The following KISS1 variants were observed in gnomAD, a reference collection of about 807,000 sequenced individuals.
KISS1 encodes metastasis-suppressor KiSS-1.
For synonymous variants in KISS1, 97 were observed against 88.7 expected (o/e 1.09, Z -0.52); for missense variants, 182 against 182.7 (o/e 1.00, Z 0.02).
rs367950979 is a variant in KISS1 at position 204,190,694 on chromosome 1, G to A, written c.207C>T (p.Thr69=). ...AGCTCTCGGGGGGCGGGGACAGCGA[G>A]GTCCCCCGACGGCTCAGCCTGGCAG... The part of the protein sequence containing the change: ...AATARLSRRG[T]SLSPPPESSG... The change falls in exon 3 of 3, where the codon ACC becomes ACT. Residue 69 remains threonine (T), a synonymous_variant. Transcript: ENST00000367194. 7.5e-6 allele frequency: 12 copies of A among 1,599,134 alleles called. No homozygotes were observed. In the African/African-American group the frequency reaches 1.6e-4, roughly 21 times the overall value.
At chr1:204,195,587 A>G (rs1352398655) in intron 1 of KISS1, among the ~76,000 whole-genome samples, 2 of 147,556 alleles carry the variant, frequency 1.4e-5, no homozygotes, top group Non-Finnish European at 3.0e-5. Context: ...CCACAGATGC[A>G]CACACACGCC....
rs1340670317 is a variant in KISS1, at chr1:204,192,911, G to A, written c.-35C>T. 5 of 1,399,684 alleles carry A rather than the reference G, an allele frequency of 3.6e-6. No homozygotes were observed. The highest frequency in any genetic ancestry group is 5.0e-6 in the Non-Finnish European group (5 of 1,004,558). The allele number at this position is 1,399,684 out of a possible 1,614,324, so 86.7% of individuals were successfully genotyped here. On this transcript the variant is annotated 5_prime_UTR_variant, in exon 2 of 3. Coordinates refer to ENST00000367194, the MANE Select transcript of KISS1 (RefSeq NM_002256.4). The surrounding 1 kb of genome is among the most constrained non-coding windows in gnomAD (Gnocchi z 4.2). ...AAGAGGCAGGTCCTAGAAGTGCCTT[G>A]AGGCTGAGACAGAGAGAGGGAACAA...
chr1:204,195,407 GCA>G (rs1262167849), intron 1 of KISS1, among the ~76,000 whole-genome samples: 2 of 30,804 alleles, frequency 6.5e-5, no homozygotes, highest in East Asian at 1.1e-3. Flanking sequence ...CACCACACAC[GCA>G]CACACACCAC....
Position 204,190,397 on chromosome 1 carries a change from CTTAG to C in KISS1, c.*83_*86del. 9.1e-7 allele frequency: 1 copy of C among 1,099,460 alleles called. No individual in the cohort carries two copies. The highest frequency in any genetic ancestry group is 1.3e-6 in the Non-Finnish European group (1 of 761,284). The allele number at this position is 1,099,460 out of a possible 1,614,324, so 68.1% of individuals were successfully genotyped here. ...GGTTGGAAGCTCCAGCGCCCCCTCC[CTTAG>C]CCCTACGTCCCCGCCCCCCGCCCCC... On this transcript the variant is annotated 3_prime_UTR_variant, in exon 3 of 3. Transcript: ENST00000367194.
At position 204,192,864 on chromosome 1, in the gene KISS1, C is replaced by A; in HGVS notation, c.13G>T (p.Val5Phe). The A allele has an allele frequency of 6.3e-7, 1 of 1,589,238 alleles. No homozygotes were observed. Among genetic ancestry groups the A allele is most frequent in the Non-Finnish European group, 8.6e-7 (1 of 1,165,248 alleles). MNSL[V>F]SWQLLLFLCA... ...AGGAAAAGCAGTAGCTGCCAAGAAA[C>A]CAGTGAGTTCATCTTGGTGAGAAGA... The change falls in exon 2 of 3, where the codon GTT (valine) becomes TTT (phenylalanine). Residue 5 changes from valine (V) to phenylalanine (F), a missense_variant. Val to Phe is a conservative substitution (Grantham distance 50, BLOSUM62 -1). Coordinates refer to ENST00000367194, the MANE Select transcript of KISS1 (RefSeq NM_002256.4). The surrounding 1 kb of genome is among the most constrained non-coding windows in gnomAD (Gnocchi z 4.2).
In KISS1 at chr1:204,190,619, G is replaced by T; in HGVS notation, c.282C>A (p.Ile94=). 1.3e-6 allele frequency: 2 copies of T among 1,587,654 alleles called. No homozygotes were observed. The highest frequency in any genetic ancestry group is 1.3e-5 in the African/African-American group (1 of 74,498). The change falls in exon 3 of 3, where the codon ATC becomes ATA. Residue 94 remains isoleucine (I), a synonymous_variant. Coordinates refer to ENST00000367194, the MANE Select transcript of KISS1 (RefSeq NM_002256.4). ...CCAGCACCGCGCCCTGGGGTGCGGG[G>T]ATCTGGCGGCTGTGGGGGGCGGACA... The part of the protein sequence containing the change: ...PGLSAPHSRQ[I]PAPQGAVLVQ...
rs2102328958 is a variant in KISS1, at chr1:204,192,190, T to C, written c.103+584A>G. Among the ~76,000 whole-genome samples, 1 of 152,174 alleles carries C rather than the reference T, an allele frequency of 6.6e-6. No homozygotes were observed. The highest frequency in any genetic ancestry group is 1.5e-5 in the Non-Finnish European group (1 of 67,990). On this transcript the variant is annotated intron_variant, in intron 2 of 2. Transcript: ENST00000367194. The surrounding 1 kb of genome is among the most constrained non-coding windows in gnomAD (Gnocchi z 4.2). Reference sequence around the variant, plus strand: ...GCTCCTGACTTGGGGACTAGTATTGTTCTAGCTTGTGCCACTCACCAGACA... The same window carrying C: ...GCTCCTGACTTGGGGACTAGTATTGCTCTAGCTTGTGCCACTCACCAGACA...
Position 204,190,407 on chromosome 1 carries a change from C to CGGGGGGGG in KISS1, c.*76_*77insCCCCCCCC. On this transcript the variant is annotated 3_prime_UTR_variant, in exon 3 of 3. Coordinates refer to ENST00000367194, the MANE Select transcript of KISS1 (RefSeq NM_002256.4). ...TCCAGCGCCCCCTCCCTTAGCCCTACGTCCCCGCCCCCCGCCCCCGCCCCG... is the reference window on the plus strand; with the variant it reads ...TCCAGCGCCCCCTCCCTTAGCCCTACGGGGGGGGGTCCCCGCCCCCCGCCCCCGCCCCG... 2.6e-6 allele frequency: 2 copies of CGGGGGGGG among 779,258 alleles called. No individual in the cohort carries two copies. Among genetic ancestry groups the CGGGGGGGG allele is most frequent in the Non-Finnish European group, 4.1e-6 (2 of 493,570 alleles). 48.3% of individuals were successfully genotyped at this position (779,258 alleles called of 1,614,324 possible).
At chr1:204,195,715 TCACACACACACACACACACA>T (rs36226771) in intron 1 of KISS1, among the ~76,000 whole-genome samples, 7 of 144,824 alleles carry the variant, frequency 4.8e-5, no homozygotes, top group African/African-American at 1.8e-4. Flanking sequence ...TACACACATA[TCACACACACACACACACACA>T]CACACACACA....
In KISS1 at chr1:204,190,412, CCG is replaced by C. The variant is rs1226956036; in HGVS notation, c.*70_*71del. On this transcript the variant is annotated 3_prime_UTR_variant, in exon 3 of 3. Coordinates refer to ENST00000367194, the MANE Select transcript of KISS1 (RefSeq NM_002256.4). Reference sequence around the variant, plus strand: ...CGCCCCCTCCCTTAGCCCTACGTCCCCGCCCCCCGCCCCCGCCCCGCATGCTC... The same window carrying C: ...CGCCCCCTCCCTTAGCCCTACGTCCCCCCCCCGCCCCCGCCCCGCATGCTC... The C allele has an allele frequency of 4.9e-3, 2,911 of 588,172 alleles. 147 individuals carry two copies. The African/African-American group carries it at 0.053, about 11-fold the overall frequency. 36.4% of individuals were successfully genotyped at this position (588,172 alleles called of 1,614,324 possible).
At chr1:204,195,264 A>ACACACCACACACACCACACATGCACAC (rs1658826489) in intron 1 of KISS1, among the ~76,000 whole-genome samples, 1 of 9,304 alleles carries the variant, frequency 1.1e-4, no homozygotes, top group African/African-American at 4.2e-4. Context: ...CACATCATAC[A>ACACACCACACACACCACACATGCACAC]CACACACATA....
chr1:204,190,435 T>A lies in KISS1; in HGVS notation c.*49A>T. The A allele has an allele frequency of 2.1e-5, 12 of 584,996 alleles. No individual in the cohort carries two copies. Among genetic ancestry groups the A allele is most frequent in the African/African-American group, 3.4e-5 (1 of 29,356 alleles). 36.2% of individuals were successfully genotyped at this position (584,996 alleles called of 1,614,324 possible). Reference sequence around the variant, plus strand: ...CCCCGCCCCCCGCCCCCGCCCCGCATGCTCTGACTCCTTTGGGGTCTGAAG... The same window carrying A: ...CCCCGCCCCCCGCCCCCGCCCCGCAAGCTCTGACTCCTTTGGGGTCTGAAG... On this transcript the variant is annotated 3_prime_UTR_variant, in exon 3 of 3. Coordinates refer to ENST00000367194, the MANE Select transcript of KISS1 (RefSeq NM_002256.4).
At chr1:204,196,210 A>T (rs1054736297) in intron 1 of KISS1, among the ~76,000 whole-genome samples, 166 bp downstream of exon 1, 4 of 152,180 alleles carry the variant, frequency 2.6e-5, no homozygotes, top group Admixed American at 2.6e-4. Context: ...GCATCCCAGG[A>T]TAATCTGGCC....
chr1:204,195,465 ACATACACACATCCATACATACACAT>A (rs1246792168), intron 1 of KISS1, among the ~76,000 whole-genome samples: 2 of 149,550 alleles, frequency 1.3e-5, no homozygotes, highest in Non-Finnish European at 3.0e-5. Flanking sequence ...ATACACACAC[ACATACACACATCCATACATACACAT>A]CATACACACA....
At chr1:204,193,173 A>G (rs776828061) in intron 1 of KISS1, among the ~76,000 whole-genome samples, 5 of 152,208 alleles carry the variant, frequency 3.3e-5, no homozygotes, top group Non-Finnish European at 7.3e-5. Flanking sequence ...GAGGACAGTA[A>G]AGTTAGGAAA....
At chr1:204,193,524 T>A (rs1658783527) in intron 1 of KISS1, among the ~76,000 whole-genome samples, 1 of 152,234 alleles carries the variant, frequency 6.6e-6, no homozygotes, top group Non-Finnish European at 1.5e-5. Flanking sequence ...TATTTCTTTT[T>A]CTTTTATAAG....
Position 204,190,474 on chromosome 1 carries a change from A to ACCTGCGCCCTCAGCCCCGCC in KISS1, c.407_*9dup, listed in dbSNP as rs746113335. The ACCTGCGCCCTCAGCCCCGCC allele has an allele frequency of 2.0e-3, 3,039 of 1,501,544 alleles. 55 individuals are homozygous for ACCTGCGCCCTCAGCCCCGCC. The African/African-American group carries it at 0.044, about 22-fold the overall frequency. 93.0% of individuals were successfully genotyped at this position (1,501,544 alleles called of 1,614,324 possible). On this transcript the variant is annotated 3_prime_UTR_variant, in exon 3 of 3. Transcript: ENST00000367194. ...TGGGGTCTGAAGTTCACTGCCCCGC[A>ACCTGCGCCCTCAGCCCCGCC]CCTGCGCCCTCAGCCCCGCCCAGCG...
In KISS1 at chr1:204,190,544, C is replaced by T. The variant is rs1346798531; in HGVS notation, c.357G>A (p.Leu119=). The T allele has an allele frequency of 1.2e-6, 2 of 1,609,058 alleles. No individual in the cohort carries two copies. Among genetic ancestry groups the T allele is most frequent in the Admixed American group, 3.3e-5 (2 of 59,748 alleles). Residue 119 remains leucine, a synonymous_variant, in exon 3 of 3, where the codon CTG becomes CTA. Transcript: ENST00000367194. ...LPNYNWNSFG[L]RFGKREAAPG... is the part of the protein sequence containing the mutation. ...GTGCCGCCTCCCGCTTGCCGAAGCG[C>T]AGGCCGAAGGAGTTCCAGTTGTAGT...
rs190979429 is a variant in KISS1 at position 204,192,003 on chromosome 1, G to T, written c.103+771C>A. ...CTTGGCAAACGACACCCGGGGCCGTGTCCTCTGTGCTCTGGAAGGTCTTAT... is the reference window on the plus strand; with the variant it reads ...CTTGGCAAACGACACCCGGGGCCGTTTCCTCTGTGCTCTGGAAGGTCTTAT... On this transcript the variant is annotated intron_variant, in intron 2 of 2. Transcript: ENST00000367194. The surrounding 1 kb of genome is among the most constrained non-coding windows in gnomAD (Gnocchi z 4.2). Among the ~76,000 whole-genome samples the T allele has an allele frequency of 6.6e-6, 1 of 152,308 alleles. No homozygotes were observed. Among genetic ancestry groups the T allele is most frequent in the African/African-American group, 2.4e-5 (1 of 41,554 alleles).
Sources: allele counts gnomAD v4.1 joint callset (sites outside exome capture counted in the v4.1 genomes callset), GRCh38; gene constraint gnomAD v4.1.1; non-coding constraint Gnocchi (gnomAD v3.1); transcripts MANE v1.5; gene names NCBI Gene and HGNC (gene_info 2026-07-23, HGNC 2026-07-21).